The following ZNF493 variants were observed in gnomAD, a reference collection of about 807,000 sequenced individuals.
ZNF493 encodes zinc finger protein 493.
A neutral mutation model predicts 12.2 loss-of-function variants in ZNF493; 11 were observed. The observed-to-expected ratio is 0.90, with a 90% CI of 0.57 to 1.50. The LOEUF is 1.50. Among genes scored for constraint, ZNF493 ranks in the 40% most tolerant of loss-of-function variants. ZNF493 has a pLI of 0.00. For missense variants in ZNF493, 950 were observed against 906.6 expected (o/e 1.05, Z -0.61); for synonymous variants, 286 against 302.6 (o/e 0.95, Z 0.57).
chr19:21,424,672 C>T lies in ZNF493; in HGVS notation c.2013C>T (p.Thr671=), dbSNP rs1474647104. 1 of 1,613,176 alleles carries T rather than the reference C, an allele frequency of 6.2e-7. No homozygotes were observed. Among genetic ancestry groups the T allele is most frequent in the East Asian group, 2.2e-5 (1 of 44,844 alleles). Residue 671 remains threonine (T), a synonymous_variant, in exon 4 of 4, where the codon ACC becomes ACT. Transcript: ENST00000392288. ...GCAAAGCCTTTAGTATATTCTCAAC[C>T]CTTACTAAACATAAGATAATTCATA... ...ECGKAFSIFS[T]LTKHKIIHTE...
chr19:21,418,452 C>G (rs11668691), intron 3 of ZNF493, among the ~76,000 whole-genome samples: 84,126 of 151,902 alleles, frequency 0.55, 23,547 homozygotes, highest in Middle Eastern at 0.67. Context: ...CTTGGGTGTC[C>G]TCCGGCTTAG....
At chr19:21,412,403 AC>A (rs1268011125) in intron 3 of ZNF493, 1 of 152,480 alleles carries the variant, frequency 6.6e-6, no homozygotes, top group Non-Finnish European at 1.5e-5. Flanking sequence ...ATTCCGGTAA[AC>A]CGACAGCCTT....
chr19:21,400,909 GTTT>G (rs1395030102), intron 1 of ZNF493, among the ~76,000 whole-genome samples: 12 of 152,222 alleles, frequency 7.9e-5, no homozygotes, highest in Non-Finnish European at 1.8e-4. Context: ...CACAGGAATA[GTTT>G]GACTTCCTCT....
intron 3 of ZNF493, among the ~76,000 whole-genome samples, chr19:21,415,205 T>C (rs911044169): frequency 3.3e-5 from 5 of 152,164 alleles, no homozygotes; most frequent in African/African-American, 1.2e-4. Flanking sequence ...TCTAGAGTCT[T>C]CTCTGGGTCT....
intron 3 of ZNF493, chr19:21,408,534 G>A: frequency 1.0e-6 from 1 of 984,086 alleles, no homozygotes; most frequent in Non-Finnish European, 1.2e-6. Flanking sequence ...CAAAATACCT[G>A]CTTTTGATGA....
intron 3 of ZNF493, chr19:21,408,398 G>C (rs1378814981): frequency 1.0e-6 from 1 of 979,764 alleles, no homozygotes; most frequent in African/African-American, 1.8e-5. Flanking sequence ...CTGGGTGCTG[G>C]GATTACAGAC....
intron 3 of ZNF493, chr19:21,412,365 C>A (rs1295194813): frequency 6.6e-6 from 1 of 152,460 alleles, no homozygotes; most frequent in Non-Finnish European, 1.5e-5. Flanking sequence ...GTCTTCCACC[C>A]TGGGTGGGCC....
At position 21,423,180 on chromosome 19, in the gene ZNF493, C is replaced by A. The variant is rs2030735170; in HGVS notation, c.521C>A (p.Thr174Lys). ...CTTTTAAATTCAAATAGACATAACA[C>A]AAAACATACTGGAAAGAAACCTTTC... ...HKLLNSNRHN[T>K]KHTGKKPFKC... Residue 174 changes from threonine (T) to lysine (K), a missense_variant, in exon 4 of 4, where the codon ACA becomes AAA. Coordinates refer to ENST00000392288, the MANE Select transcript of ZNF493 (RefSeq NM_001076678.3). 3.1e-6 allele frequency: 5 copies of A among 1,613,526 alleles called. No individual in the cohort carries two copies. Among genetic ancestry groups the A allele is most frequent in the Non-Finnish European group, 4.2e-6 (5 of 1,179,794 alleles).
Position 21,423,833 on chromosome 19 carries a change from C to A in ZNF493, c.1174C>A (p.Leu392Ile). The A allele has an allele frequency of 6.2e-7, 1 of 1,613,416 alleles. No individual in the cohort carries two copies. Among genetic ancestry groups the A allele is most frequent in the Non-Finnish European group, 8.5e-7 (1 of 1,179,710 alleles). ...CGKAFSIFST[L>I]TKHKIIHTEE... ...CAAAGCCTTTAGTATTTTCTCAACC[C>A]TTACTAAACATAAGATAATTCACAC... The change falls in exon 4 of 4, where the codon CTT becomes ATT. Residue 392 changes from leucine (L) to isoleucine (I), a missense_variant. Leu to Ile is a conservative substitution (Grantham distance 5, BLOSUM62 2). Coordinates refer to ENST00000392288, the MANE Select transcript of ZNF493 (RefSeq NM_001076678.3).
intron 3 of ZNF493, among the ~76,000 whole-genome samples, chr19:21,410,703 C>G (rs1204815167): frequency 1.3e-5 from 2 of 151,952 alleles, no homozygotes; most frequent in African/African-American, 4.8e-5. Context: ...CATTTAATAT[C>G]ATATCTAAGA....
chr19:21,413,313 A>G (rs2145288861), intron 3 of ZNF493: 1 of 389,926 alleles, frequency 2.6e-6, no homozygotes, highest in East Asian at 3.8e-5. Flanking sequence ...ACATCCAGGC[A>G]TTATTACCAG....
intron 3 of ZNF493, chr19:21,408,881 C>A: frequency 3.3e-4 from 195 of 594,958 alleles, no homozygotes; most frequent in Non-Finnish European, 3.9e-4. Flanking sequence ...TTCTTTCTTT[C>A]TTTTTTTTTT....
chr19:21,413,367 G>T (rs1050140997), intron 3 of ZNF493: 2 of 405,482 alleles, frequency 4.9e-6, no homozygotes, highest in Non-Finnish European at 8.7e-6. Flanking sequence ...TGTTCTCTGT[G>T]TCAGCCCTTG....
Position 21,424,697 on chromosome 19 carries a change from AC to A in ZNF493, c.2039del (p.Thr680MetfsTer26). On this transcript the variant is annotated frameshift_variant, in exon 4 of 4. Transcript: ENST00000392288. LOFTEE classifies it low-confidence loss of function (END_TRUNC). ...CCTTACTAAACATAAGATAATTCAT[AC>A]TGAAGAGAAACCCTACAAATGTGAA... ...STLTKHKIIH[T>X]EEKPYKCEKC... The A allele has an allele frequency of 1.9e-6, 3 of 1,613,706 alleles. No homozygotes were observed. Among genetic ancestry groups the A allele is most frequent in the Non-Finnish European group, 2.5e-6 (3 of 1,179,734 alleles).
chr19:21,406,115 C>T (rs531963760), intron 3 of ZNF493, among the ~76,000 whole-genome samples: 5 of 151,514 alleles, frequency 3.3e-5, no homozygotes, highest in Admixed American at 1.3e-4. Context: ...TCAGCTCCTC[C>T]GGAGGCTGAG....
chr19:21,405,682 C>A, intron 2 of ZNF493, 79 bp from the exon 3 acceptor site: 1 of 1,218,418 alleles, frequency 8.2e-7, no homozygotes, highest in South Asian at 1.6e-5. Context: ...TCTATTACAT[C>A]CTCTTTACTA....
intron 3 of ZNF493, among the ~76,000 whole-genome samples, chr19:21,419,747 A>C (rs1033644958): frequency 2.0e-5 from 3 of 152,192 alleles, no homozygotes; most frequent in African/African-American, 7.2e-5. Flanking sequence ...TGACAGTATT[A>C]ACCATCATAG....
chr19:21,401,650 C>T (rs1394955775), intron 1 of ZNF493, among the ~76,000 whole-genome samples: 1 of 151,392 alleles, frequency 6.6e-6, no homozygotes, highest in Non-Finnish European at 1.5e-5. Context: ...TTTTTTGAGA[C>T]AGTCTCACTC....
intron 3 of ZNF493, chr19:21,414,779 A>C (rs779666369): frequency 3.3e-5 from 5 of 152,162 alleles, no homozygotes; most frequent in Non-Finnish European, 7.4e-5. Flanking sequence ...CCAGAATAAG[A>C]AGCTTTACCA....
Sources: allele counts gnomAD v4.1 joint callset (sites outside exome capture counted in the v4.1 genomes callset), GRCh38; gene constraint gnomAD v4.1.1; transcripts MANE v1.5; gene names NCBI Gene and HGNC (gene_info 2026-07-23, HGNC 2026-07-21).